The following EFNA5 variants were observed in gnomAD, a reference collection of about 807,000 sequenced individuals.
The protein encoded by EFNA5 is ephrin-A5.
In EFNA5, 5 loss-of-function variants were observed where a neutral mutation model predicts 22.9. The observed-to-expected ratio is 0.22, with a 90% CI of 0.11 to 0.46. The LOEUF is 0.46. EFNA5 is among the 20% of genes least tolerant of loss of function. The pLI, the probability that EFNA5 is intolerant of heterozygous loss-of-function variation, is 0.99. For missense variants in EFNA5, 237 were observed against 293.3 expected (o/e 0.81, Z 1.40); for synonymous variants, 113 against 112.2 (o/e 1.01, Z -0.04).
chr5:107,666,511 T>C (rs1036753549), intron 1 of EFNA5, among the ~76,000 whole-genome samples: 12 of 152,108 alleles, frequency 7.9e-5, no homozygotes, highest in Non-Finnish European at 2.9e-5. Context: ...CCTACAAGAA[T>C]TGAAAAAGTC....
chr5:107,471,015 C>T (rs1750125509), intron 1 of EFNA5, among the ~76,000 whole-genome samples: 1 of 152,144 alleles, frequency 6.6e-6, no homozygotes, highest in African/African-American at 2.4e-5. Context: ...ATACCGCAGG[C>T]TCATGCAATA....
chr5:107,429,262 G>T (rs1748886127), intron 1 of EFNA5, among the ~76,000 whole-genome samples: 1 of 152,166 alleles, frequency 6.6e-6, no homozygotes, highest in African/African-American at 2.4e-5. Flanking sequence ...GGCCAACATG[G>T]CGAAACCTTG....
chr5:107,660,613 G>C (rs1263976115), intron 1 of EFNA5, among the ~76,000 whole-genome samples: 3 of 151,596 alleles, frequency 2.0e-5, no homozygotes, highest in Non-Finnish European at 4.4e-5. Flanking sequence ...TTTTTGCCTG[G>C]CTTTTCACAG....
chr5:107,404,885 T>C (rs1306020947), intron 2 of EFNA5, among the ~76,000 whole-genome samples: 3 of 152,222 alleles, frequency 2.0e-5, no homozygotes, highest in African/African-American at 7.2e-5. Flanking sequence ...AAAAGCTGCA[T>C]GGTGATTTTG....
At chr5:107,582,571 T>C (rs1041903443) in intron 1 of EFNA5, among the ~76,000 whole-genome samples, 6 of 152,182 alleles carry the variant, frequency 3.9e-5, no homozygotes, top group Non-Finnish European at 8.8e-5. Context: ...TGAATTCTGC[T>C]ACAGGCCCCA....
intron 2 of EFNA5, among the ~76,000 whole-genome samples, chr5:107,419,482 A>G (rs1405671076): frequency 2.6e-5 from 4 of 152,250 alleles, no homozygotes; most frequent in African/African-American, 9.6e-5. Context: ...AAATTGTTCC[A>G]TTCTATTTTC....
intron 1 of EFNA5, among the ~76,000 whole-genome samples, chr5:107,635,999 A>T (rs1433813760): frequency 6.6e-6 from 1 of 152,154 alleles, no homozygotes; most frequent in Non-Finnish European, 1.5e-5. Flanking sequence ...TATCCTTTTT[A>T]TGACTTTAAA....
At chr5:107,396,301 G>A (rs955102659) in intron 2 of EFNA5, among the ~76,000 whole-genome samples, 16 of 152,114 alleles carry the variant, frequency 1.1e-4, no homozygotes, top group African/African-American at 2.7e-4. Context: ...GCTGCTTAAC[G>A]TGCCTACGCC....
At chr5:107,553,066 A>G (rs1281867866) in intron 1 of EFNA5, among the ~76,000 whole-genome samples, 1 of 152,230 alleles carries the variant, frequency 6.6e-6, no homozygotes, top group Non-Finnish European at 1.5e-5. Context: ...AATTTCCCCC[A>G]GAGGGGTAAT....
chr5:107,659,399 A>G (rs564277006), intron 1 of EFNA5, among the ~76,000 whole-genome samples: 2 of 152,078 alleles, frequency 1.3e-5, no homozygotes, highest in Admixed American at 1.3e-4. Context: ...GAAATCCAAA[A>G]TTGATTCCAA....
In EFNA5 at chr5:107,593,046, G is replaced by A. The variant is rs575871030; in HGVS notation, c.125+77443C>T. On this transcript the variant is annotated intron_variant, in intron 1 of 4. Transcript: ENST00000333274. ...GATGTGAGAAACTAACCTCCAGAAG[G>A]GATTGTGGCATGAGATCTCTGCTCA... is the stretch of plus-strand genomic sequence containing the variant. Among the ~76,000 whole-genome samples the A allele has an allele frequency of 1.6e-4, 25 of 152,278 alleles. No homozygotes were observed. In the South Asian group the frequency reaches 1.9e-3, roughly 11 times the overall value.
intron 1 of EFNA5, among the ~76,000 whole-genome samples, chr5:107,664,577 G>A (rs1045057968): frequency 1.3e-5 from 2 of 152,118 alleles, no homozygotes; most frequent in Non-Finnish European, 2.9e-5. Context: ...GACCACCATC[G>A]TAAGACAAAT....
At chr5:107,573,016 G>T (rs544448973) in intron 1 of EFNA5, among the ~76,000 whole-genome samples, 4 of 152,248 alleles carry the variant, frequency 2.6e-5, no homozygotes, top group Non-Finnish European at 5.9e-5. Context: ...TCAGCTAGGC[G>T]CCATCCGTTA....
intron 1 of EFNA5, among the ~76,000 whole-genome samples, chr5:107,470,045 C>G (rs772571737): frequency 6.6e-6 from 1 of 152,148 alleles, no homozygotes; most frequent in African/African-American, 2.4e-5. Flanking sequence ...AATAATTACT[C>G]TGATTCTCAA....
At chr5:107,605,759 A>G (rs1390427619) in intron 1 of EFNA5, among the ~76,000 whole-genome samples, 1 of 151,240 alleles carries the variant, frequency 6.6e-6, no homozygotes, top group Non-Finnish European at 1.5e-5. Context: ...TCTTACAAGA[A>G]CCTCCCTTTT....
intron 1 of EFNA5, among the ~76,000 whole-genome samples, chr5:107,614,598 A>G (rs140451332): frequency 2.9e-4 from 44 of 152,234 alleles, no homozygotes; most frequent in African/African-American, 9.4e-4. Flanking sequence ...ATCTTTGAGT[A>G]CCTGCAACTC....
chr5:107,403,409 A>C (rs252807), intron 2 of EFNA5, among the ~76,000 whole-genome samples: 93,272 of 152,046 alleles, frequency 0.61, 29,334 homozygotes, highest in African/African-American at 0.67. Flanking sequence ...TACTTTCAGT[A>C]TCCAAGCATC....
intron 1 of EFNA5, among the ~76,000 whole-genome samples, chr5:107,525,204 T>G (rs2112446649): frequency 6.6e-6 from 1 of 152,216 alleles, no homozygotes; most frequent in East Asian, 1.9e-4. Flanking sequence ...TAAAAGAGAT[T>G]GTAAGATTAG....
At chr5:107,593,339 C>T (rs567917837) in intron 1 of EFNA5, among the ~76,000 whole-genome samples, 1 of 152,186 alleles carries the variant, frequency 6.6e-6, no homozygotes, top group African/African-American at 2.4e-5. Context: ...GGCTTTGCAC[C>T]AGGAGAACAA....
Sources: gnomAD v4.1 joint callset for allele counts (sites outside exome capture counted in the v4.1 genomes callset) on GRCh38, gnomAD v4.1.1 for gene constraint, MANE v1.5 for transcripts, NCBI Gene and HGNC (gene_info 2026-07-23, HGNC 2026-07-21) for gene names.